PCDHGA9: variants seen among roughly 807,000 people sequenced by gnomAD.
The protein encoded by PCDHGA9 is protocadherin gamma-A9.
In PCDHGA9, 37 loss-of-function variants were observed where a neutral mutation model predicts 62.5. That is an observed-to-expected ratio of 0.59 (90% confidence interval 0.46 to 0.78). The LOEUF (loss-of-function observed/expected upper bound fraction) is 0.78. Ranked by LOEUF, PCDHGA9 falls within the 30% of genes least tolerant of loss-of-function variation. The pLI is 0.00. For synonymous variants in PCDHGA9, 459 were observed against 484.6 expected, an observed-to-expected ratio of 0.95 and a Z score of 0.69; for missense variants, 1,138 against 1,166.2, an observed-to-expected ratio of 0.98 and a Z score of 0.35.
chr5:141,431,960 T>C lies in PCDHGA9; in HGVS notation c.2424+26584T>C. On this transcript the variant is annotated intron_variant, in intron 1 of 3. Transcript: ENST00000573521. This position sits in a 1 kb window ranked among gnomAD's most constrained non-coding sequence, Gnocchi z 4.8. ...TAAATTAGAAAAATCTTACGGAAAT[T>C]ACTATAGTTTAGTCACAGACATAGT... The C allele has an allele frequency of 3.7e-6, 6 of 1,614,166 alleles. No individual in the cohort carries two copies. Among genetic ancestry groups the C allele is most frequent in the Non-Finnish European group, 5.1e-6 (6 of 1,180,034 alleles).
intron 2 of PCDHGA9, among the ~76,000 whole-genome samples, chr5:141,502,107 C>T (rs1292131951): frequency 6.6e-6 from 1 of 152,192 alleles, no homozygotes; most frequent in East Asian, 1.9e-4. Context: ...TGACCCTGCA[C>T]CCTCAGCCAG....
chr5:141,427,150 T>C (rs570999921), intron 1 of PCDHGA9: 6 of 456,866 alleles, frequency 1.3e-5, no homozygotes, highest in African/African-American at 4.0e-5. Flanking sequence ...ATTGGAAATA[T>C]GTTTGTGCTA....
chr5:141,487,323 G>A lies in PCDHGA9; in HGVS notation c.2425-7484G>A, dbSNP rs374901235. Reference sequence around the variant, plus strand: ...GTGGCACTACTCTCTAAGTGTCTTCGTGGGGCAGCCTGTGGAGTCACATGC... The same window carrying A: ...GTGGCACTACTCTCTAAGTGTCTTCATGGGGCAGCCTGTGGAGTCACATGC... On this transcript the variant is annotated intron_variant, in intron 1 of 3. Coordinates refer to ENST00000573521, the MANE Select transcript of PCDHGA9 (RefSeq NM_018921.3). The surrounding 1 kb of genome is among the most constrained non-coding windows in gnomAD (Gnocchi z 5.0). 4.0e-5 allele frequency: 65 copies of A among 1,613,982 alleles called. No homozygotes were observed. Among genetic ancestry groups the A allele is most frequent in the Non-Finnish European group, 4.7e-5 (56 of 1,180,012 alleles).
intron 2 of PCDHGA9, among the ~76,000 whole-genome samples, chr5:141,497,171 C>T (rs991574648): frequency 6.6e-6 from 1 of 151,148 alleles, no homozygotes; most frequent in African/African-American, 2.5e-5. Context: ...CCACAAATCA[C>T]AGTAAGTTCT....
chr5:141,415,533 G>C lies in PCDHGA9; in HGVS notation c.2424+10157G>C, dbSNP rs749139053. On this transcript the variant is annotated intron_variant, in intron 1 of 3. Coordinates refer to ENST00000573521, the MANE Select transcript of PCDHGA9 (RefSeq NM_018921.3). ...ATTATGCGGACACGCTCATCAGCCA[G>C]GAGAGCTGTGAGAAAAACGATCCTT... is the stretch of plus-strand genomic sequence containing the variant. 1.4e-5 allele frequency: 22 copies of C among 1,614,080 alleles called. No individual in the cohort carries two copies. Among genetic ancestry groups the C allele is most frequent in the Non-Finnish European group, 1.9e-5 (22 of 1,180,042 alleles).
chr5:141,427,775 G>A (rs768191014), intron 1 of PCDHGA9: 35 of 1,424,948 alleles, frequency 2.5e-5, no homozygotes, highest in Non-Finnish European at 2.9e-5. Context: ...TGGAGCTGCG[G>A]GCACTGTCGT....
At chr5:141,492,385 G>A (rs1224771842) in intron 1 of PCDHGA9, among the ~76,000 whole-genome samples, 1 of 152,208 alleles carries the variant, frequency 6.6e-6, no homozygotes, top group Non-Finnish European at 1.5e-5. Context: ...GGCCTGTTCC[G>A]GTCCACTCGC....
intron 1 of PCDHGA9, chr5:141,408,916 C>T (rs1379557230): frequency 6.8e-6 from 11 of 1,613,024 alleles, no homozygotes; most frequent in African/African-American, 2.7e-5. Flanking sequence ...CCAATGATAA[C>T]CCCCCGGTTT....
Position 141,489,458 on chromosome 5 carries a change from G to T in PCDHGA9, c.2425-5349G>T, listed in dbSNP as rs143138320. 1 of 1,613,924 alleles carries T rather than the reference G, an allele frequency of 6.2e-7. No homozygotes were observed. Among genetic ancestry groups the T allele is most frequent in the Non-Finnish European group, 8.5e-7 (1 of 1,180,000 alleles). On this transcript the variant is annotated intron_variant, in intron 1 of 3. Coordinates refer to ENST00000573521, the MANE Select transcript of PCDHGA9 (RefSeq NM_018921.3). The surrounding 1 kb of genome is among the most constrained non-coding windows in gnomAD (Gnocchi z 4.5). ...CAATTGGGCTCTGAGGAGAATGGGC[G>T]CTATTTTTCCCTGAGCTTGATGAGT...
At chr5:141,460,536 G>T (rs911670681) in intron 1 of PCDHGA9, among the ~76,000 whole-genome samples, 1 of 152,092 alleles carries the variant, frequency 6.6e-6, no homozygotes, top group African/African-American at 2.4e-5. Context: ...AATAATCTTA[G>T]CACCTTAATC....
At chr5:141,505,361 A>G (rs2099845711) in intron 2 of PCDHGA9, 32 bp from the exon 3 acceptor site, 1 of 1,613,910 alleles carries the variant, frequency 6.2e-7, no homozygotes, top group South Asian at 1.1e-5. Context: ...CCGGCCTGGG[A>G]GTCTGTGCTC....
intron 1 of PCDHGA9, among the ~76,000 whole-genome samples, chr5:141,455,423 CA>C (rs2098822271): frequency 6.6e-6 from 1 of 152,040 alleles, no homozygotes; most frequent in Non-Finnish European, 1.5e-5. Flanking sequence ...AGCGGGGCTC[CA>C]AAAGAGGAGG....
intron 1 of PCDHGA9, chr5:141,413,170 A>T (rs751830095): frequency 6.3e-7 from 1 of 1,595,602 alleles, no homozygotes; most frequent in South Asian, 1.1e-5. Context: ...CTGTAACCAG[A>T]CTACAATGGC....
At chr5:141,429,613 G>A (rs1374650357) in intron 1 of PCDHGA9, among the ~76,000 whole-genome samples, 2 of 152,084 alleles carry the variant, frequency 1.3e-5, no homozygotes, top group African/African-American at 2.4e-5. Flanking sequence ...TCAATTTTAT[G>A]TCTGATATTT....
intron 2 of PCDHGA9, among the ~76,000 whole-genome samples, chr5:141,498,436 A>G (rs566463876): frequency 6.6e-6 from 1 of 152,268 alleles, no homozygotes; most frequent in East Asian, 1.9e-4. Flanking sequence ...GGGGATGAAG[A>G]GGAGAGGTTC....
In PCDHGA9 at chr5:141,491,272, A is replaced by G. The variant is rs2099710110; in HGVS notation, c.2425-3535A>G. On this transcript the variant is annotated intron_variant, in intron 1 of 3. Transcript: ENST00000573521. The surrounding 1 kb of genome is among the most constrained non-coding windows in gnomAD (Gnocchi z 6.9). The stretch of plus-strand genomic sequence containing the variant: ...GGACCCTGAGGAAATGCCCAAATCC[A>G]GTGACTTCCTCATACACCCTCCTGA... The G allele has an allele frequency of 1.2e-6, 2 of 1,614,084 alleles. No homozygotes were observed. Among genetic ancestry groups the G allele is most frequent in the Non-Finnish European group, 1.7e-6 (2 of 1,179,928 alleles).
At position 141,487,915 on chromosome 5, in the gene PCDHGA9, G is replaced by T; in HGVS notation, c.2425-6892G>T. The T allele has an allele frequency of 1.5e-6, 1 of 655,128 alleles. No homozygotes were observed. Among genetic ancestry groups the T allele is most frequent in the Middle Eastern group, 3.5e-4 (1 of 2,862 alleles). The allele number at this position is 655,128 out of a possible 1,614,324, so 40.6% of individuals were successfully genotyped here. ...GATGATGGAATGTGGGAGCACAGGA[G>T]GCTACAGTGCACAGGGTACAGTGCA... On this transcript the variant is annotated intron_variant, in intron 1 of 3. Coordinates refer to ENST00000573521, the MANE Select transcript of PCDHGA9 (RefSeq NM_018921.3). This position sits in a 1 kb window ranked among gnomAD's most constrained non-coding sequence, Gnocchi z 5.0.
chr5:141,503,910 G>A (rs1311674998), intron 2 of PCDHGA9, among the ~76,000 whole-genome samples: 1 of 152,062 alleles, frequency 6.6e-6, no homozygotes, highest in Admixed American at 6.6e-5. Flanking sequence ...CACACACAAC[G>A]CAACACACAC....
At position 141,413,564 on chromosome 5, in the gene PCDHGA9, T is replaced by C. The variant is rs762044373; in HGVS notation, c.2424+8188T>C. 9 of 1,613,760 alleles carry C rather than the reference T, an allele frequency of 5.6e-6. No homozygotes were observed. The Admixed American group carries it at 1.2e-4, about 21-fold the overall frequency. ...GGGATAGAAATAGAAGTAACTGATA[T>C]CAATGACAATGCTCCAAAATTCCAA... On this transcript the variant is annotated intron_variant, in intron 1 of 3. Coordinates refer to ENST00000573521, the MANE Select transcript of PCDHGA9 (RefSeq NM_018921.3).
Sources: allele counts gnomAD v4.1 joint callset (sites outside exome capture counted in the v4.1 genomes callset), GRCh38; gene constraint gnomAD v4.1.1; non-coding constraint Gnocchi (gnomAD v3.1); transcripts MANE v1.5; gene names NCBI Gene and HGNC (gene_info 2026-07-23, HGNC 2026-07-21).